The following ROBO2 variants were observed in gnomAD, a reference collection of about 807,000 sequenced individuals.
ROBO2 encodes the protein roundabout homolog 2.
ROBO2 carries 53 observed loss-of-function variants against 160.8 expected under a neutral mutation model. The observed-to-expected ratio is 0.33, with a 90% CI of 0.26 to 0.41. ROBO2 has a LOEUF of 0.41. Ranked by LOEUF, ROBO2 falls within the 10% of genes least tolerant of loss-of-function variation. ROBO2 has a pLI of 1.00. For missense variants in ROBO2, 1,577 were observed against 1,722.4 expected, an observed-to-expected ratio of 0.92 and a Z score of 1.49; for synonymous variants, 664 against 611.7, an observed-to-expected ratio of 1.09 and a Z score of -1.26.
At chr3:77,461,914 C>T (rs7645242) in intron 2 of ROBO2, among the ~76,000 whole-genome samples, 3,810 of 151,894 alleles carry the variant, frequency 0.025, 70 homozygotes, top group Non-Finnish European at 0.034. Context: ...TTAGTAGAGA[C>T]GGGGTTTCAC....
At chr3:77,042,809 TG>T (rs1368860907) in intron 1 of ROBO2, among the ~76,000 whole-genome samples, 1 of 152,148 alleles carries the variant, frequency 6.6e-6, no homozygotes, top group African/African-American at 2.4e-5. Flanking sequence ...ACCTTTGTTC[TG>T]ATTTAACATT....
chr3:77,283,383 G>T (rs10433507), intron 2 of ROBO2, among the ~76,000 whole-genome samples: 19,664 of 152,110 alleles, frequency 0.13, 1,399 homozygotes, highest in Admixed American at 0.22. Flanking sequence ...CGATATCAAA[G>T]AATTTCAGAA....
At chr3:75,925,471 A>G (rs145252575) in intron 1 of ROBO2, among the ~76,000 whole-genome samples, 2 of 152,172 alleles carry the variant, frequency 1.3e-5, no homozygotes, top group Admixed American at 1.3e-4. Flanking sequence ...CTCTGATTAT[A>G]TGAGGCTGGG....
intron 3 of ROBO2, among the ~76,000 whole-genome samples, chr3:77,479,772 C>G (rs2084459828): frequency 6.6e-6 from 1 of 152,106 alleles, no homozygotes; most frequent in African/African-American, 2.4e-5. Context: ...GCTGAATAAT[C>G]CAGGATGACC....
chr3:76,361,308 C>A (rs1328967844), intron 2 of ROBO2, among the ~76,000 whole-genome samples: 1 of 152,002 alleles, frequency 6.6e-6, no homozygotes, highest in Admixed American at 6.6e-5. Flanking sequence ...TGTGCTTTTC[C>A]AACTTAAATG....
At chr3:76,300,318 T>G (rs1468518297) in intron 2 of ROBO2, among the ~76,000 whole-genome samples, 1 of 151,732 alleles carries the variant, frequency 6.6e-6, no homozygotes, top group African/African-American at 2.4e-5. Flanking sequence ...TCACCAACAT[T>G]AAATAGGTCT....
At chr3:77,329,464 C>T (rs1482476742) in intron 2 of ROBO2, among the ~76,000 whole-genome samples, 1 of 152,160 alleles carries the variant, frequency 6.6e-6, no homozygotes, top group Non-Finnish European at 1.5e-5. Flanking sequence ...CTTGGTTACA[C>T]AGAATAACCT....
chr3:77,354,118 T>C (rs1396860372), intron 2 of ROBO2, among the ~76,000 whole-genome samples: 1 of 152,182 alleles, frequency 6.6e-6, no homozygotes, highest in Non-Finnish European at 1.5e-5. Context: ...TGTTGTTCTC[T>C]GCCTTGCCAT....
intron 2 of ROBO2, among the ~76,000 whole-genome samples, chr3:77,238,381 A>G (rs530705732): frequency 6.6e-6 from 1 of 152,230 alleles, no homozygotes; most frequent in East Asian, 1.9e-4. Context: ...TTAGGTCTGT[A>G]ATTAATTTTG....
rs1280627151 is a variant in ROBO2 at position 77,308,111 on chromosome 3, C to G, written c.389-169303C>G. ...AGATATTTCTTTTTTTTTTTTTTTA[C>G]TAAATTGCTTTTATACAAAGTCTAC... is the stretch of plus-strand genomic sequence containing the variant. On this transcript the variant is annotated intron_variant, in intron 2 of 25. Transcript: ENST00000461745. Among the ~76,000 whole-genome samples the G allele has an allele frequency of 4.3e-5, 6 of 138,980 alleles. No individual in the cohort carries two copies. In the South Asian group the frequency reaches 1.3e-3, roughly 31 times the overall value. 91.2% of individuals were successfully genotyped at this position (138,980 alleles called of 152,430 possible). A position where few individuals can be genotyped will look rare whatever the true frequency, so the allele number is the denominator to read the frequency against.
intron 1 of ROBO2, among the ~76,000 whole-genome samples, chr3:75,913,959 C>A (rs1300245782): frequency 6.6e-6 from 1 of 152,080 alleles, no homozygotes; most frequent in Non-Finnish European, 1.5e-5. Flanking sequence ...GTCATGTCAG[C>A]CTTTGAAATC....
At chr3:76,057,471 A>C (rs1251498131) in intron 2 of ROBO2, among the ~76,000 whole-genome samples, 1 of 152,210 alleles carries the variant, frequency 6.6e-6, no homozygotes, top group South Asian at 2.1e-4. Flanking sequence ...CTTTATAAAC[A>C]TGTTCATGGT....
chr3:76,674,409 C>T (rs2092351739), intron 2 of ROBO2, among the ~76,000 whole-genome samples: 1 of 152,000 alleles, frequency 6.6e-6, no homozygotes, highest in Non-Finnish European at 1.5e-5. Flanking sequence ...CACTCCCCAT[C>T]CCAGGATCAA....
intron 2 of ROBO2, among the ~76,000 whole-genome samples, chr3:76,762,445 G>GTTTT (rs71104618): frequency 7.1e-6 from 1 of 140,178 alleles, no homozygotes; most frequent in African/African-American, 2.7e-5. Flanking sequence ...GAATCCAGCT[G>GTTTT]TTTTTTTTTT....
At chr3:77,143,599 A>G (rs1285850354) in intron 2 of ROBO2, among the ~76,000 whole-genome samples, 1 of 152,168 alleles carries the variant, frequency 6.6e-6, no homozygotes, top group Non-Finnish European at 1.5e-5. Flanking sequence ...TAAACTCAGT[A>G]TATATAAAAT....
At chr3:76,060,989 A>G (rs917502122) in intron 2 of ROBO2, among the ~76,000 whole-genome samples, 3 of 152,140 alleles carry the variant, frequency 2.0e-5, no homozygotes, top group African/African-American at 7.2e-5. Context: ...GTTTCACCCC[A>G]AGAACAAGAT....
intron 2 of ROBO2, among the ~76,000 whole-genome samples, chr3:76,640,214 A>G (rs558837051): frequency 6.6e-6 from 1 of 152,278 alleles, no homozygotes; most frequent in East Asian, 1.9e-4. Flanking sequence ...TTAATTTTTA[A>G]TATGTAAACA....
intron 2 of ROBO2, among the ~76,000 whole-genome samples, chr3:77,179,739 A>C (rs1294997788): frequency 6.6e-6 from 1 of 152,196 alleles, no homozygotes; most frequent in Non-Finnish European, 1.5e-5. Context: ...AACACAAATG[A>C]GTAAACATAA....
chr3:77,459,020 T>G (rs2081977329), intron 2 of ROBO2, among the ~76,000 whole-genome samples: 1 of 152,172 alleles, frequency 6.6e-6, no homozygotes, highest in Non-Finnish European at 1.5e-5. Flanking sequence ...CAAGAAATCT[T>G]GACCATTTAG....
Sources: gnomAD v4.1 joint callset for allele counts (sites outside exome capture counted in the v4.1 genomes callset) on GRCh38, gnomAD v4.1.1 for gene constraint, MANE v1.5 for transcripts, NCBI Gene and HGNC (gene_info 2026-07-23, HGNC 2026-07-21) for gene names.